Variants in ARMC3 observed in about 807,000 individuals in gnomAD.
ARMC3 encodes armadillo repeat-containing protein 3.
In ARMC3, 74 loss-of-function variants were observed where a neutral mutation model predicts 90.3. The observed-to-expected ratio is 0.82, with a 90% CI of 0.68 to 0.99. The LOEUF is 0.99. Among genes scored for constraint, ARMC3 ranks in the 50% least tolerant of loss-of-function variants. The probability of loss-of-function intolerance (pLI) is 0.00; values close to 1 mark genes in which losing one functional copy is unlikely to be tolerated. For synonymous variants in ARMC3, 334 were observed against 361.8 expected (o/e 0.92, Z 0.87); for missense variants, 958 against 1,042.8 (o/e 0.92, Z 1.12).
In ARMC3 at chr10:22,998,374, T is replaced by C. The variant is rs539027046; in HGVS notation, c.1402T>C (p.Cys468Arg). ...TGCTCTCGCTGTCACCGCAACTGCG[T>C]GTGACGTTGAAGCCCGGACTGAGGT... ...KAALAVTATA[C>R]DVEARTELRN... The change falls in exon 11 of 19, where the codon TGT becomes CGT. Residue 468 changes from cysteine (C) to arginine (R), a missense_variant. Cys to Arg is a radical substitution (Grantham distance 180). Transcript: ENST00000298032. The C allele has an allele frequency of 2.5e-6, 4 of 1,614,158 alleles. No homozygotes were observed. The highest frequency in any genetic ancestry group is 2.7e-5 in the African/African-American group (2 of 75,074).
chr10:22,945,415 A>G (rs974838321), intron 2 of ARMC3, among the ~76,000 whole-genome samples: 10 of 152,206 alleles, frequency 6.6e-5, no homozygotes, highest in South Asian at 4.1e-4. Context: ...TCTATGTGCT[A>G]TGAACAATAG....
At position 23,005,592 on chromosome 10, in the gene ARMC3, C is replaced by T. The variant is rs531288834; in HGVS notation, c.1732-1292C>T. Among the ~76,000 whole-genome samples the T allele has an allele frequency of 4.3e-3, 650 of 151,980 alleles. 9 individuals carry two copies. The highest frequency in any genetic ancestry group is 3.8e-3 in the Non-Finnish European group (256 of 67,920). ...AAAAATGAGAGGCACTGGCTTGGTG[C>T]GGTGGCACACGCCTGTAATCCCAGC... is the stretch of plus-strand genomic sequence containing the variant. On this transcript the variant is annotated intron_variant, in intron 13 of 18. Coordinates refer to ENST00000298032, the MANE Select transcript of ARMC3 (RefSeq NM_173081.5).
At chr10:23,036,969 G>A (rs1163488055) in intron 18 of ARMC3, among the ~76,000 whole-genome samples, 1 of 152,234 alleles carries the variant, frequency 6.6e-6, no homozygotes, top group Non-Finnish European at 1.5e-5. Flanking sequence ...CTAGTGCAAA[G>A]AGTGCACAGA....
intron 3 of ARMC3, among the ~76,000 whole-genome samples, chr10:22,953,990 A>T (rs986292268): frequency 3.7e-4 from 56 of 152,310 alleles, no homozygotes; most frequent in African/African-American, 1.3e-3. Flanking sequence ...CCAGCAATTT[A>T]TGAGGGTTCC....
Position 23,030,643 on chromosome 10 carries a change from A to G in ARMC3, c.2093A>G (p.Glu698Gly), listed in dbSNP as rs760882604. The change falls in exon 17 of 19, where the codon GAG (glutamate) becomes GGG (glycine). Residue 698 changes from glutamate to glycine, a missense_variant. By Grantham distance (98) the Glu-to-Gly change is moderately conservative. Coordinates refer to ENST00000298032, the MANE Select transcript of ARMC3 (RefSeq NM_173081.5). ...KEEEKVKEEE[E>G]VMVVPKFVGE... ...GAGGAAAAAGTGAAAGAGGAGGAAG[A>G]GGTTATGGTGGTACCAAAATTTGTT... 6.2e-6 allele frequency: 10 copies of G among 1,613,636 alleles called. No homozygotes were observed. The South Asian group carries it at 1.1e-4, about 18-fold the overall frequency.
chr10:23,028,737 C>A (rs1481371086), intron 16 of ARMC3, among the ~76,000 whole-genome samples: 1 of 152,146 alleles, frequency 6.6e-6, no homozygotes, highest in East Asian at 1.9e-4. Context: ...CAACCAGTAT[C>A]CACTTTGGGA....
chr10:22,991,837 A>T (rs1309739927), intron 10 of ARMC3, among the ~76,000 whole-genome samples: 1 of 152,142 alleles, frequency 6.6e-6, no homozygotes, highest in East Asian at 1.9e-4. Flanking sequence ...CAGCATCCTT[A>T]TTATTTAGTT....
At chr10:23,025,108 AC>A (rs1838665486) in intron 16 of ARMC3, among the ~76,000 whole-genome samples, 2 of 152,144 alleles carry the variant, frequency 1.3e-5, no homozygotes, top group African/African-American at 4.8e-5. Flanking sequence ...AGCAAAAAAA[AC>A]CTGATAGCAC....
In ARMC3 at chr10:22,998,186, ACCT is replaced by A; in HGVS notation, c.1218_1220del (p.Leu407del). The A allele has an allele frequency of 6.2e-7, 1 of 1,613,732 alleles. No homozygotes were observed. The highest frequency in any genetic ancestry group is 1.1e-5 in the South Asian group (1 of 91,020). On this transcript the variant is annotated inframe_deletion, in exon 11 of 19. Coordinates refer to ENST00000298032, the MANE Select transcript of ARMC3 (RefSeq NM_173081.5). ...GCTGATGGTATTGATCCATTAATAA[ACCT>A]CCTGTCTAGTAAACGAGATGGAGCC...
rs1466863301 is a variant in ARMC3, at chr10:22,981,322, C to T, written c.917-18C>T. 1 of 1,572,632 alleles carries T rather than the reference C, an allele frequency of 6.4e-7. No homozygotes were observed. Among genetic ancestry groups the T allele is most frequent in the African/African-American group, 1.4e-5 (1 of 72,676 alleles). ...TTGCATTAAAATTCTGAATTTTTTT[C>T]CCTTTGGTGTATGAAAGCTGAAAAT... On this transcript the variant is annotated intron_variant, in intron 8 of 18. Coordinates refer to ENST00000298032, the MANE Select transcript of ARMC3 (RefSeq NM_173081.5).
chr10:22,998,845 A>G (rs1172979216), intron 11 of ARMC3, among the ~76,000 whole-genome samples: 1 of 152,254 alleles, frequency 6.6e-6, no homozygotes, highest in Non-Finnish European at 1.5e-5. Flanking sequence ...CGTTGTAGAA[A>G]AATACATACT....
At chr10:22,952,827 C>T (rs544823689) in intron 3 of ARMC3, among the ~76,000 whole-genome samples, 5 of 152,216 alleles carry the variant, frequency 3.3e-5, no homozygotes, top group Admixed American at 3.3e-4. Context: ...GCAAACACAT[C>T]ATGACTAAAT....
At chr10:23,034,250 C>T (rs1233922646) in intron 18 of ARMC3, among the ~76,000 whole-genome samples, 1 of 151,936 alleles carries the variant, frequency 6.6e-6, no homozygotes, top group African/African-American at 2.4e-5. Flanking sequence ...AGCTATTTTC[C>T]CCTTTAAAAT....
chr10:23,012,830 G>C (rs1306919558), intron 16 of ARMC3, among the ~76,000 whole-genome samples: 1 of 150,564 alleles, frequency 6.6e-6, no homozygotes, highest in African/African-American at 2.5e-5. Flanking sequence ...TCCCACTTTC[G>C]CATAGCCCTC....
chr10:22,964,475 T>C (rs1835364083), intron 7 of ARMC3, among the ~76,000 whole-genome samples: 2 of 151,120 alleles, frequency 1.3e-5, no homozygotes, highest in Admixed American at 6.6e-5. Context: ...AGCCTTGCTC[T>C]GTCACCCAGG....
chr10:22,948,590 G>A (rs920328568), intron 3 of ARMC3, among the ~76,000 whole-genome samples: 7 of 151,916 alleles, frequency 4.6e-5, no homozygotes, highest in African/African-American at 1.7e-4. Context: ...GAAAATAAAC[G>A]AGATATATGA....
rs760138057 is a variant in ARMC3, at chr10:22,998,257, G to A, written c.1285G>A (p.Glu429Lys). 2 of 1,612,424 alleles carry A rather than the reference G, an allele frequency of 1.2e-6. No homozygotes were observed. Among genetic ancestry groups the A allele is most frequent in the East Asian group, 2.2e-5 (1 of 44,778 alleles). Residue 429 changes from glutamate (E) to lysine (K), a missense_variant, in exon 11 of 19, where the codon GAG becomes AAG. Physicochemically the swap from Glu to Lys is moderately conservative, Grantham distance 56 (BLOSUM62 1). Coordinates refer to ENST00000298032, the MANE Select transcript of ARMC3 (RefSeq NM_173081.5). The part of the protein sequence containing the change: ...ATVLTNMAMQ[E>K]PLRLNIQNHD... ...AGTATTAACAAACATGGCCATGCAG[G>A]AGCCCCTGCGCCTGAACATACAGAA...
chr10:23,022,221 T>G (rs774574092), intron 16 of ARMC3, among the ~76,000 whole-genome samples: 1 of 152,226 alleles, frequency 6.6e-6, no homozygotes, highest in Non-Finnish European at 1.5e-5. Context: ...TTACATACAA[T>G]GTGAGGCTTA....
At chr10:23,028,048 G>C (rs1427610498) in intron 16 of ARMC3, among the ~76,000 whole-genome samples, 1 of 152,148 alleles carries the variant, frequency 6.6e-6, no homozygotes, top group East Asian at 1.9e-4. Flanking sequence ...AGGCTGAGGT[G>C]GGAGGATCAC....
Sources: gnomAD v4.1 joint callset for allele counts (sites outside exome capture counted in the v4.1 genomes callset) on GRCh38, gnomAD v4.1.1 for gene constraint, MANE v1.5 for transcripts, NCBI Gene and HGNC (gene_info 2026-07-23, HGNC 2026-07-21) for gene names.